TMCO5A: variants seen among roughly 807,000 people sequenced by gnomAD.
TMCO5A encodes transmembrane and coiled-coil domain-containing protein 5A.
TMCO5A carries 34 observed loss-of-function variants against 42.3 expected under a neutral mutation model. The observed-to-expected ratio is 0.80, with a 90% confidence interval of 0.61 to 1.07. TMCO5A has a LOEUF of 1.07. Among genes scored for constraint, TMCO5A ranks in the 50% least tolerant of loss-of-function variants. The pLI is 0.00. For synonymous variants in TMCO5A, 131 were observed against 115.6 expected (o/e 1.13, Z -0.86); for missense variants, 357 against 327.9 (o/e 1.09, Z -0.69).
the TMCO5A span, among the ~76,000 whole-genome samples, chr15:38,018,228 C>T: frequency 3.8e-4 from 58 of 152,138 alleles, no homozygotes; most frequent in South Asian, 0.011. Flanking sequence ...CAGTAATAGA[C>T]AACAAAGAAG....
the TMCO5A span, among the ~76,000 whole-genome samples, chr15:38,032,983 A>G: frequency 7.0e-6 from 1 of 142,910 alleles, no homozygotes; most frequent in Admixed American, 7.4e-5. Context: ...GCTGGAGTGC[A>G]GTGGCGCCAT....
the TMCO5A span, among the ~76,000 whole-genome samples, chr15:38,006,748 A>G: frequency 6.6e-6 from 1 of 152,196 alleles, no homozygotes; most frequent in Non-Finnish European, 1.5e-5. Flanking sequence ...AGATAATGCA[A>G]TTCCATTCAT....
the TMCO5A span, among the ~76,000 whole-genome samples, chr15:38,030,436 C>T: frequency 6.6e-6 from 1 of 152,164 alleles, no homozygotes; most frequent in Non-Finnish European, 1.5e-5. Flanking sequence ...ACAGTTTGAG[C>T]CATTATCAGT....
At chr15:38,005,730 T>C in the TMCO5A span, among the ~76,000 whole-genome samples, 1 of 152,140 alleles carries the variant, frequency 6.6e-6, no homozygotes, top group Non-Finnish European at 1.5e-5. Context: ...TTGAAAACTG[T>C]ATGATGAAAA....
chr15:37,966,738 C>G (rs1890567289), exon 12 of TMCO5A: 1 of 702,326 alleles, frequency 1.4e-6, no homozygotes, highest in Non-Finnish European at 2.6e-6. Context: ...GCAGTAAAGT[C>G]CAGAAAAGGT....
the TMCO5A span, chr15:38,040,309 G>C: frequency 6.6e-6 from 1 of 152,288 alleles, no homozygotes; most frequent in South Asian, 2.1e-4. Context: ...CCACAATGGC[G>C]TCTTGACCAT....
intron 11 of TMCO5A, among the ~76,000 whole-genome samples, chr15:37,966,314 T>A (rs890272420): frequency 3.3e-5 from 5 of 151,958 alleles, no homozygotes; most frequent in African/African-American, 1.2e-4. Context: ...GACCTAGTAT[T>A]TGATAGCAAA....
intron 1 of TMCO5A, among the ~76,000 whole-genome samples, chr15:37,935,050 C>A (rs1402589217): frequency 6.6e-6 from 1 of 152,084 alleles, no homozygotes; most frequent in Non-Finnish European, 1.5e-5. Flanking sequence ...TCTCTGTATC[C>A]TGACTGTATC....
the TMCO5A span, chr15:38,024,722 G>C: frequency 2.0e-5 from 3 of 152,206 alleles, no homozygotes; most frequent in African/African-American, 7.2e-5. Flanking sequence ...TCAGCCGAAG[G>C]CCTCACATAG....
intron 11 of TMCO5A, chr15:37,966,589 G>A (rs1890562472): frequency 2.8e-6 from 2 of 702,884 alleles, no homozygotes; most frequent in Non-Finnish European, 5.2e-6. Flanking sequence ...TCAAAACAAT[G>A]TCTTGGGACA....
rs550545765 is a variant in TMCO5A at position 37,965,423 on chromosome 15, T to G, written c.669-1202T>G. ...GTGGACAAATGGGTTCTCATCAAGC[T>G]ATAAAGCTTCTGCACAGCAAATGAA... is the stretch of plus-strand genomic sequence containing the variant. On this transcript the variant is annotated intron_variant, in intron 11 of 11. Coordinates refer to the TMCO5A transcript ENST00000559502. Among the ~76,000 whole-genome samples the G allele has an allele frequency of 2.0e-3, 303 of 152,266 alleles. 2 individuals carry two copies. The highest frequency in any genetic ancestry group is 6.7e-3 in the African/African-American group (279 of 41,546).
At chr15:37,939,442 C>A (rs1889650691) in intron 6 of TMCO5A, among the ~76,000 whole-genome samples, 2 of 152,038 alleles carry the variant, frequency 1.3e-5, no homozygotes, top group East Asian at 1.9e-4. Context: ...CCTGACTGAA[C>A]CTGCCATCTG....
Position 37,938,233 on chromosome 15 carries a change from A to G in TMCO5A, c.387+4A>G, listed in dbSNP as rs773546625. The G allele has an allele frequency of 5.2e-6, 8 of 1,544,938 alleles. No homozygotes were observed. The South Asian group carries it at 9.5e-5, about 18-fold the overall frequency. On this transcript the variant is annotated splice_donor_region_variant and intron_variant, in intron 6 of 11. Coordinates refer to ENST00000319669, the MANE Select transcript of TMCO5A (RefSeq NM_152453.4). ...TGGAGCCCTAGAAGAGACAAAGGTA[A>G]ATGAAAAAAACAATCCTAAATGTGG...
At chr15:38,038,233 G>A in the TMCO5A span, among the ~76,000 whole-genome samples, 1 of 151,988 alleles carries the variant, frequency 6.6e-6, no homozygotes, top group African/African-American at 2.4e-5. Context: ...ACTCTTCTAT[G>A]AAGTACATCA....
At chr15:38,012,676 T>C in the TMCO5A span, among the ~76,000 whole-genome samples, 1 of 152,154 alleles carries the variant, frequency 6.6e-6, no homozygotes, top group Non-Finnish European at 1.5e-5. Context: ...AAAAATGATA[T>C]CTAAAAGAAG....
chr15:37,980,399 T>C, the TMCO5A span, among the ~76,000 whole-genome samples: 1 of 152,116 alleles, frequency 6.6e-6, no homozygotes, highest in Non-Finnish European at 1.5e-5. Context: ...CATGTCAGTC[T>C]AGAGGCCCAT....
At chr15:38,004,168 C>G in the TMCO5A span, among the ~76,000 whole-genome samples, 3 of 152,044 alleles carry the variant, frequency 2.0e-5, no homozygotes, top group Non-Finnish European at 4.4e-5. Flanking sequence ...CAGCGGGTTT[C>G]CTTCTAGCCC....
chr15:38,040,762 G>A, the TMCO5A span: 1 of 152,180 alleles, frequency 6.6e-6, no homozygotes, highest in African/African-American at 2.4e-5. Context: ...TCTACAGACT[G>A]GAAGTAGAAC....
At chr15:37,976,888 T>C in the TMCO5A span, among the ~76,000 whole-genome samples, 1 of 147,380 alleles carries the variant, frequency 6.8e-6, no homozygotes, top group Middle Eastern at 3.5e-3. Flanking sequence ...CAGGTTCAAA[T>C]GATTCCTCTG....
Sources: gnomAD v4.1 joint callset for allele counts (sites outside exome capture counted in the v4.1 genomes callset) on GRCh38, gnomAD v4.1.1 for gene constraint, MANE v1.5 for transcripts, NCBI Gene and HGNC (gene_info 2026-07-23, HGNC 2026-07-21) for gene names.